Variants in FSTL5 observed in about 807,000 individuals in gnomAD.
The protein encoded by FSTL5 is follistatin like 5.
FSTL5 carries 62 observed loss-of-function variants against 89.1 expected under a neutral mutation model. The observed-to-expected ratio is 0.70, with a 90% CI of 0.57 to 0.86. FSTL5 has a LOEUF of 0.86. FSTL5 is among the 40% of genes least tolerant of loss of function. The pLI is 0.00. For missense variants in FSTL5, 1,057 were observed against 1,001.6 expected, an observed-to-expected ratio of 1.06 and a Z score of -0.75; for synonymous variants, 383 against 346.2, an observed-to-expected ratio of 1.11 and a Z score of -1.18.
At position 162,018,191 on chromosome 4, in the gene FSTL5, G is replaced by T. The variant is rs182919107; in HGVS notation, c.160+15434C>A. On this transcript the variant is annotated intron_variant, in intron 3 of 15. Transcript: ENST00000306100. The stretch of plus-strand genomic sequence containing the variant: ...TCCTAGGGGGTAAATGGTAGAAAGG[G>T]CATGTGGTTAGGAGTAAGAGAAGAG... 2.0e-4 allele frequency among the ~76,000 whole-genome samples: 31 copies of T among 152,226 alleles called. No individual in the cohort carries two copies. The East Asian group carries it at 5.6e-3, about 28-fold the overall frequency.
chr4:161,695,424 C>CGTGTGTGTGTGTATGT (rs1738108584), intron 6 of FSTL5, among the ~76,000 whole-genome samples: 2 of 134,248 alleles, frequency 1.5e-5, no homozygotes, highest in African/African-American at 5.4e-5. Flanking sequence ...CCATGGTGTA[C>CGTGTGTGTGTGTATGT]GTGTGTGTGT....
intron 6 of FSTL5, among the ~76,000 whole-genome samples, chr4:161,736,666 A>G (rs1187045263): frequency 6.6e-6 from 1 of 152,074 alleles, no homozygotes. Flanking sequence ...GAGCTCCTTT[A>G]ATATTTCTAG....
chr4:161,707,939 A>G (rs1420014075), intron 6 of FSTL5, among the ~76,000 whole-genome samples: 1 of 151,998 alleles, frequency 6.6e-6, no homozygotes, highest in African/African-American at 2.4e-5. Context: ...ATTTTCCCCC[A>G]CAAAATACCT....
chr4:161,414,827 A>T (rs1731715854), intron 15 of FSTL5, among the ~76,000 whole-genome samples: 1 of 152,212 alleles, frequency 6.6e-6, no homozygotes, highest in African/African-American at 2.4e-5. Context: ...GATTCTTTGT[A>T]TGGTGAAAAA....
At chr4:161,584,708 G>T (rs1367898416) in intron 8 of FSTL5, among the ~76,000 whole-genome samples, 1 of 152,044 alleles carries the variant, frequency 6.6e-6, no homozygotes, top group Non-Finnish European at 1.5e-5. Context: ...TCTTGGAAAG[G>T]TTAATAATTG....
intron 6 of FSTL5, among the ~76,000 whole-genome samples, chr4:161,713,982 CT>C (rs1375757543): frequency 6.6e-6 from 1 of 152,150 alleles, no homozygotes; most frequent in Non-Finnish European, 1.5e-5. Flanking sequence ...TGTGTGAAAC[CT>C]GTGCTTCCAC....
At chr4:161,901,806 G>A (rs1733372653) in intron 4 of FSTL5, among the ~76,000 whole-genome samples, 1 of 152,068 alleles carries the variant, frequency 6.6e-6, no homozygotes, top group Non-Finnish European at 1.5e-5. Context: ...GTGGTGGGGT[G>A]CGCCTGTAGT....
chr4:161,801,858 C>G (rs942732812), intron 4 of FSTL5, among the ~76,000 whole-genome samples: 4 of 151,496 alleles, frequency 2.6e-5, no homozygotes, highest in African/African-American at 9.7e-5. Flanking sequence ...CCAGTTGTGT[C>G]TCTATTACTA....
chr4:161,559,439 T>C (rs1732510072), intron 8 of FSTL5, among the ~76,000 whole-genome samples: 1 of 151,896 alleles, frequency 6.6e-6, no homozygotes, highest in African/African-American at 2.4e-5. Context: ...TCATTCATCC[T>C]CTACTCTTTC....
intron 6 of FSTL5, among the ~76,000 whole-genome samples, chr4:161,658,261 C>T (rs1239458288): frequency 6.6e-6 from 1 of 151,568 alleles, no homozygotes. Context: ...GTGAGGAGTT[C>T]GAGCCTGGCC....
rs192189357 is a variant in FSTL5, at chr4:162,071,868, C to T, written c.127-38210G>A. Among the ~76,000 whole-genome samples, 551 of 151,770 alleles carry T rather than the reference C, an allele frequency of 3.6e-3. 4 individuals are homozygous for T. The highest frequency in any genetic ancestry group is 0.012 in the African/African-American group (495 of 41,478). Reference sequence around the variant, plus strand: ...AAACTGTACAATACATATACAAATACATGAAAATTAAACAACATGCTCCTT... The same window carrying T: ...AAACTGTACAATACATATACAAATATATGAAAATTAAACAACATGCTCCTT... On this transcript the variant is annotated intron_variant, in intron 2 of 15. Transcript: ENST00000306100.
At chr4:161,500,479 A>G (rs1730256783) in intron 11 of FSTL5, among the ~76,000 whole-genome samples, 1 of 152,162 alleles carries the variant, frequency 6.6e-6, no homozygotes, top group African/African-American at 2.4e-5. Flanking sequence ...AAGGAGTAAA[A>G]GTACTTTCTG....
chr4:161,699,899 T>C (rs1369787108), intron 6 of FSTL5, among the ~76,000 whole-genome samples: 3 of 152,166 alleles, frequency 2.0e-5, no homozygotes, highest in Non-Finnish European at 4.4e-5. Flanking sequence ...GTTTTTAAAA[T>C]GTCAAAATCT....
intron 15 of FSTL5, among the ~76,000 whole-genome samples, chr4:161,398,765 T>A (rs1271515525): frequency 1.3e-5 from 2 of 152,104 alleles, no homozygotes; most frequent in Admixed American, 1.3e-4. Flanking sequence ...AATTAATAAT[T>A]AGCATGAAGG....
chr4:161,482,584 T>A (rs1205479048), intron 12 of FSTL5, among the ~76,000 whole-genome samples: 1 of 152,206 alleles, frequency 6.6e-6, no homozygotes, highest in Non-Finnish European at 1.5e-5. Context: ...ATCATCACTA[T>A]CACCAAGCGT....
At chr4:161,749,729 T>G (rs1740329289) in intron 6 of FSTL5, among the ~76,000 whole-genome samples, 1 of 151,850 alleles carries the variant, frequency 6.6e-6, no homozygotes, top group Non-Finnish European at 1.5e-5. Context: ...CAGGCGGAGC[T>G]TGCAGTGAGC....
chr4:161,814,721 A>C (rs754528552), intron 4 of FSTL5, among the ~76,000 whole-genome samples: 1 of 152,110 alleles, frequency 6.6e-6, no homozygotes, highest in African/African-American at 2.4e-5. Flanking sequence ...GTCTTCTTAT[A>C]CTTAGCATAA....
chr4:161,437,890 GA>G (rs1732624598), intron 15 of FSTL5, among the ~76,000 whole-genome samples: 1 of 152,102 alleles, frequency 6.6e-6, no homozygotes, highest in South Asian at 2.1e-4. Context: ...GGGTGGCTTG[GA>G]TGCTGTGAGA....
chr4:161,932,106 T>C (rs1303745998), intron 3 of FSTL5, among the ~76,000 whole-genome samples: 1 of 151,940 alleles, frequency 6.6e-6, no homozygotes, highest in Non-Finnish European at 1.5e-5. Flanking sequence ...AAAAAATGTA[T>C]TGCAGACTGG....
Sources: allele counts gnomAD v4.1 joint callset (sites outside exome capture counted in the v4.1 genomes callset), GRCh38; gene constraint gnomAD v4.1.1; transcripts MANE v1.5; gene names NCBI Gene and HGNC (gene_info 2026-07-23, HGNC 2026-07-21).